Variants in RBPMS observed in about 807,000 individuals in gnomAD.
RBPMS encodes RNA binding protein, mRNA processing factor, also known as RNA-binding protein with multiple splicing.
RBPMS carries 7 observed loss-of-function variants against 26.8 expected under a neutral mutation model. The ratio of observed to expected loss-of-function variants is 0.26; its 90% CI spans 0.15 to 0.49. The LOEUF (loss-of-function observed/expected upper bound fraction) is 0.49, where lower values mean the gene tolerates loss of function less well. Ranked by LOEUF, RBPMS falls within the 20% of genes least tolerant of loss-of-function variation. The pLI is 0.98. For synonymous variants in RBPMS, 96 were observed against 93.3 expected (o/e 1.03, Z -0.17); for missense variants, 186 against 250.0 (o/e 0.74, Z 1.73).
intron 4 of RBPMS, 83 bp downstream of exon 4, chr8:30,479,460 T>A: frequency 9.9e-7 from 1 of 1,008,102 alleles, no homozygotes; most frequent in East Asian, 2.4e-5. Context: ...GGAAATCAAG[T>A]GGAAAGAATA....
intron 2 of RBPMS, 100 bp downstream of exon 2, chr8:30,474,956 C>A: frequency 1.3e-6 from 1 of 794,630 alleles, no homozygotes; most frequent in Non-Finnish European, 2.1e-6. Flanking sequence ...GAGAAGAAAA[C>A]AGATGTTTTT....
intron 5 of RBPMS, among the ~76,000 whole-genome samples, chr8:30,519,176 G>C (rs1822727333): frequency 6.6e-6 from 1 of 152,036 alleles, no homozygotes; most frequent in African/African-American, 2.4e-5. Context: ...CATGGCTTGG[G>C]TTTTATCTGC....
At chr8:30,523,000 A>G (rs890248724) in intron 5 of RBPMS, among the ~76,000 whole-genome samples, 3 of 152,160 alleles carry the variant, frequency 2.0e-5, no homozygotes, top group African/African-American at 7.2e-5. Flanking sequence ...TTGAAGGAGA[A>G]GCTGGTGATT....
In RBPMS at chr8:30,519,477, T is replaced by C. The variant is rs1289799842; in HGVS notation, c.397+15041T>C. On this transcript the variant is annotated intron_variant, in intron 5 of 8. Transcript: ENST00000397323. ...CTCTCTCTTTTTTTTTTTTTTTTTTTTTTTTTTTTTTTTTTTTTTTTTTGG... is the reference window on the plus strand; with the variant it reads ...CTCTCTCTTTTTTTTTTTTTTTTTTCTTTTTTTTTTTTTTTTTTTTTTTGG... Among the ~76,000 whole-genome samples, 182 of 27,574 alleles carry C rather than the reference T, an allele frequency of 6.6e-3. 3 individuals are homozygous for C. The highest frequency in any genetic ancestry group is 0.021 in the African/African-American group (171 of 8,184). The allele number at this position is 27,574 out of a possible 152,430, so 18.1% of individuals were successfully genotyped here.
At chr8:30,558,754 G>A in intron 6 of RBPMS, 133 bp from the exon 7 acceptor site, 2 of 759,546 alleles carry the variant, frequency 2.6e-6, no homozygotes, top group South Asian at 1.4e-5. Context: ...CCTTGGGGAA[G>A]AGGCCCTCAC....
chr8:30,562,854 G>A (rs577093330), intron 7 of RBPMS, among the ~76,000 whole-genome samples: 68 of 152,230 alleles, frequency 4.5e-4, no homozygotes, highest in Non-Finnish European at 9.3e-4. Context: ...ACTCCCAGAG[G>A]TCCTTCAAGG....
chr8:30,489,461 T>C (rs1405802712), intron 4 of RBPMS, among the ~76,000 whole-genome samples: 1 of 151,830 alleles, frequency 6.6e-6, no homozygotes, highest in African/African-American at 2.4e-5. Context: ...CTTTTTCTTT[T>C]CTTTTCTTTT....
intron 5 of RBPMS, among the ~76,000 whole-genome samples, chr8:30,526,232 C>T (rs185232301): frequency 8.5e-5 from 13 of 152,338 alleles, no homozygotes; most frequent in African/African-American, 2.9e-4. Context: ...CAGAGTCCAT[C>T]ATGTATTCGC....
intron 4 of RBPMS, among the ~76,000 whole-genome samples, chr8:30,495,238 A>T (rs955796362): frequency 1.3e-4 from 19 of 150,956 alleles, no homozygotes; most frequent in Non-Finnish European, 2.5e-4. Context: ...ATAAAATTTT[A>T]TTGCGTTTTA....
At chr8:30,470,757 C>G (rs1295421440) in intron 1 of RBPMS, among the ~76,000 whole-genome samples, 1 of 152,180 alleles carries the variant, frequency 6.6e-6, no homozygotes, top group African/African-American at 2.4e-5. Flanking sequence ...AACATCTGAT[C>G]TGCCTCCAGT....
intron 7 of RBPMS, among the ~76,000 whole-genome samples, chr8:30,563,412 AGTG>A (rs1355489755): frequency 5.1e-4 from 78 of 152,364 alleles, no homozygotes; most frequent in Middle Eastern, 3.4e-3. Flanking sequence ...CCTTACATGC[AGTG>A]AGAGTGAGGC....
At chr8:30,569,273 G>A (rs2151098774) in intron 8 of RBPMS, among the ~76,000 whole-genome samples, 1 of 152,330 alleles carries the variant, frequency 6.6e-6, no homozygotes, top group East Asian at 1.9e-4. Context: ...TGTCTGAATG[G>A]AGGGTTTGCA....
At chr8:30,511,486 A>AAATATATAT (rs1821657057) in intron 5 of RBPMS, among the ~76,000 whole-genome samples, 2 of 23,574 alleles carry the variant, frequency 8.5e-5, no homozygotes, top group African/African-American at 3.3e-4. Flanking sequence ...AAAAAAAAAA[A>AAATATATAT]ATATATATAT....
intron 1 of RBPMS, among the ~76,000 whole-genome samples, chr8:30,462,015 G>T (rs1044994915): frequency 6.6e-6 from 1 of 152,166 alleles, no homozygotes. Flanking sequence ...GTTGTTGCTT[G>T]TATTAGTAGT....
At chr8:30,475,651 GAGGCATGAC>G (rs1173760832) in intron 2 of RBPMS, among the ~76,000 whole-genome samples, 1 of 152,204 alleles carries the variant, frequency 6.6e-6, no homozygotes, top group Non-Finnish European at 1.5e-5. Flanking sequence ...CCCAGTGATA[GAGGCATGAC>G]AGGTTGAGGG....
intron 5 of RBPMS, among the ~76,000 whole-genome samples, chr8:30,541,425 ATT>A (rs1825381578): frequency 6.6e-6 from 1 of 152,172 alleles, no homozygotes; most frequent in Non-Finnish European, 1.5e-5. Context: ...TCAGATGTAT[ATT>A]GTGAGCCCTC....
At chr8:30,555,247 G>A (rs1357790128) in intron 6 of RBPMS, among the ~76,000 whole-genome samples, 1 of 152,116 alleles carries the variant, frequency 6.6e-6, no homozygotes, top group Non-Finnish European at 1.5e-5. Flanking sequence ...AGCCATGCAG[G>A]GGCACTGCAT....
intron 2 of RBPMS, among the ~76,000 whole-genome samples, chr8:30,476,154 C>T (rs1027484980): frequency 6.6e-6 from 1 of 152,034 alleles, no homozygotes; most frequent in African/African-American, 2.4e-5. Flanking sequence ...AAAGTATTGT[C>T]ACAATCCTTT....
intron 2 of RBPMS, among the ~76,000 whole-genome samples, chr8:30,475,681 G>T (rs1817608766): frequency 1.3e-5 from 2 of 152,194 alleles, no homozygotes; most frequent in African/African-American, 4.8e-5. Context: ...ATAGGATTCA[G>T]CTTCTTAGGA....
Sources: gnomAD v4.1 joint callset for allele counts (sites outside exome capture counted in the v4.1 genomes callset) on GRCh38, gnomAD v4.1.1 for gene constraint, MANE v1.5 for transcripts, NCBI Gene and HGNC (gene_info 2026-07-23, HGNC 2026-07-21) for gene names.